The following NMNAT3 variants were observed in gnomAD, a reference collection of about 807,000 sequenced individuals.
NMNAT3 encodes nicotinamide nucleotide adenylyltransferase 3.
In NMNAT3, 21 loss-of-function variants were observed where a neutral mutation model predicts 24.8. That is an observed-to-expected ratio of 0.85 (90% confidence interval 0.60 to 1.22). The LOEUF (loss-of-function observed/expected upper bound fraction) is 1.22, where lower values mean the gene tolerates loss of function less well. NMNAT3 is among the 50% of genes most tolerant of loss of function. The probability of loss-of-function intolerance (pLI) is 0.00; values close to 1 mark genes in which losing one functional copy is unlikely to be tolerated. For missense variants in NMNAT3, 387 were observed against 436.6 expected (o/e 0.89, Z 1.01); for synonymous variants, 136 against 155.2 (o/e 0.88, Z 0.92).
chr3:139,594,580 C>T lies in NMNAT3; in HGVS notation c.110-11372G>A, dbSNP rs1257316579. Among the ~76,000 whole-genome samples the T allele has an allele frequency of 4.6e-5, 7 of 152,206 alleles. No individual in the cohort carries two copies. In the South Asian group the frequency reaches 6.2e-4, roughly 14 times the overall value. ...AATCCTCAATAAAATACTGGCAAAC[C>T]GAATCCAGCAGCACATCAAAAAGCT... is the stretch of plus-strand genomic sequence containing the variant. On this transcript the variant is annotated intron_variant, in intron 3 of 6. Coordinates refer to ENST00000643695, the MANE Select transcript of NMNAT3 (RefSeq NM_001320510.2).
chr3:139,587,353 C>T (rs2053980293), intron 3 of NMNAT3, among the ~76,000 whole-genome samples: 1 of 152,116 alleles, frequency 6.6e-6, no homozygotes, highest in South Asian at 2.1e-4. Flanking sequence ...CATGGGGAGC[C>T]AAGGCACAGG....
intron 3 of NMNAT3, among the ~76,000 whole-genome samples, chr3:139,624,971 C>G (rs541131692): frequency 6.6e-6 from 1 of 152,250 alleles, no homozygotes; most frequent in African/African-American, 2.4e-5. Context: ...GTGGGTTTGT[C>G]TATTTCTCCT....
intron 1 of NMNAT3, among the ~76,000 whole-genome samples, chr3:139,641,490 G>A (rs563636178): frequency 3.9e-5 from 6 of 152,248 alleles, no homozygotes; most frequent in South Asian, 4.1e-4. Context: ...GGCCCCAGGG[G>A]ACCAGTCATA....
intron 6 of NMNAT3, 32 bp downstream of exon 6, chr3:139,573,566 A>G: frequency 1.5e-6 from 2 of 1,363,256 alleles, no homozygotes; most frequent in Non-Finnish European, 2.0e-6. Context: ...CTGACATCTC[A>G]TTCTCCTACA....
chr3:139,666,280 C>T (rs2057580786), intron 1 of NMNAT3, among the ~76,000 whole-genome samples: 1 of 152,032 alleles, frequency 6.6e-6, no homozygotes, highest in African/African-American at 2.4e-5. Context: ...TGAGGGTAGA[C>T]CATAAGAGGT....
In NMNAT3 at chr3:139,627,640, C is replaced by A; in HGVS notation, c.85G>T (p.Ala29Ser). The change falls in exon 3 of 7, where the codon GCC becomes TCC. Residue 29 changes from alanine (A) to serine (S), a missense_variant. Around this residue, in one of 3 missense-constraint regions of NMNAT3, gnomAD observed 51 missense variants for 55.6 expected, o/e 0.92. Transcript: ENST00000643695. ...CCTGTTTGGTGTAGGTGATCTCTGG[C>A]CACCTCAAACATGCGCAGGTGCATG... The A allele has an allele frequency of 6.3e-7, 1 of 1,592,354 alleles. No homozygotes were observed. Among genetic ancestry groups the A allele is most frequent in the Non-Finnish European group, 8.5e-7 (1 of 1,176,198 alleles).
chr3:139,672,897 T>C (rs1205097777), intron 1 of NMNAT3, among the ~76,000 whole-genome samples: 3 of 152,194 alleles, frequency 2.0e-5, no homozygotes, highest in African/African-American at 7.2e-5. Context: ...GCAGGCATGG[T>C]GCCCCTCTGG....
intron 3 of NMNAT3, among the ~76,000 whole-genome samples, chr3:139,594,077 A>G (rs1222239567): frequency 2.6e-5 from 4 of 152,204 alleles, no homozygotes; most frequent in Non-Finnish European, 5.9e-5. Flanking sequence ...AGACTAATAA[A>G]GAAAAAAAGA....
chr3:139,632,079 A>G (rs2056322658), intron 2 of NMNAT3, among the ~76,000 whole-genome samples: 1 of 152,176 alleles, frequency 6.6e-6, no homozygotes. Context: ...TTTTAAATTC[A>G]TCTTGGTCCT....
intron 1 of NMNAT3, among the ~76,000 whole-genome samples, chr3:139,652,257 C>A (rs2057080565): frequency 6.6e-6 from 1 of 152,228 alleles, no homozygotes; most frequent in Admixed American, 6.5e-5. Flanking sequence ...AGATGATCAA[C>A]ATCACTGTGT....
chr3:139,658,277 C>T (rs1331705211), intron 1 of NMNAT3, among the ~76,000 whole-genome samples: 1 of 152,182 alleles, frequency 6.6e-6, no homozygotes, highest in Non-Finnish European at 1.5e-5. Context: ...TTGGCATTCT[C>T]CCCCTGCAGT....
chr3:139,621,920 T>G (rs907995800), intron 3 of NMNAT3, among the ~76,000 whole-genome samples: 1 of 152,226 alleles, frequency 6.6e-6, no homozygotes, highest in African/African-American at 2.4e-5. Context: ...ATTTCATTCT[T>G]TTTTGTGGCA....
intron 3 of NMNAT3, among the ~76,000 whole-genome samples, chr3:139,601,705 G>C (rs1309965951): frequency 1.3e-5 from 2 of 152,172 alleles, no homozygotes; most frequent in Admixed American, 1.3e-4. Flanking sequence ...TGGGGTTGGG[G>C]GTGGGGGATA....
At chr3:139,658,051 C>T (rs1324001346) in intron 1 of NMNAT3, among the ~76,000 whole-genome samples, 1 of 152,100 alleles carries the variant, frequency 6.6e-6, no homozygotes, top group Non-Finnish European at 1.5e-5. Flanking sequence ...ATTCTCTGGT[C>T]TCAGGGTAGC....
chr3:139,575,967 T>C (rs1939242422), intron 5 of NMNAT3: 1 of 1,288,552 alleles, frequency 7.8e-7, no homozygotes. Context: ...GTGATTAACG[T>C]AGCCTCTCTG....
At chr3:139,590,481 A>T (rs945354458) in intron 3 of NMNAT3, among the ~76,000 whole-genome samples, 1 of 152,184 alleles carries the variant, frequency 6.6e-6, no homozygotes, top group Admixed American at 6.5e-5. Flanking sequence ...CTAAATCTGA[A>T]AAAACAAGAT....
At chr3:139,590,422 TG>T (rs1486956026) in intron 3 of NMNAT3, among the ~76,000 whole-genome samples, 1 of 152,076 alleles carries the variant, frequency 6.6e-6, no homozygotes, top group African/African-American at 2.4e-5. Context: ...GGTGGAGGTG[TG>T]AGAGAGTGAA....
At chr3:139,671,086 G>C (rs900928418) in intron 1 of NMNAT3, among the ~76,000 whole-genome samples, 1 of 152,108 alleles carries the variant, frequency 6.6e-6, no homozygotes, top group East Asian at 1.9e-4. Flanking sequence ...AAAGATCATT[G>C]TTTAATTTGG....
At chr3:139,569,326 C>G (rs1002899057) in intron 6 of NMNAT3, 8 of 152,174 alleles carry the variant, frequency 5.3e-5, no homozygotes, top group African/African-American at 1.9e-4. Flanking sequence ...TTAATTGGAG[C>G]ATTTAGCCAA....
Sources: gnomAD v4.1 joint callset for allele counts (sites outside exome capture counted in the v4.1 genomes callset) on GRCh38, gnomAD v4.1.1 for gene constraint, gnomAD v4.1.1 regional missense constraint, MANE v1.5 for transcripts, NCBI Gene and HGNC (gene_info 2026-07-23, HGNC 2026-07-21) for gene names.